CREG1: variants seen among roughly 807,000 people sequenced by gnomAD.
The protein encoded by CREG1 is protein CREG1.
Under a neutral mutation model 19.9 loss-of-function variants are expected in CREG1, and 20 were observed. The ratio of observed to expected loss-of-function variants is 1.01; its 90% confidence interval spans 0.71 to 1.46. The LOEUF (loss-of-function observed/expected upper bound fraction) is 1.46. Ranked by LOEUF, CREG1 falls within the 40% of genes most tolerant of loss-of-function variation. CREG1 has a pLI of 0.00. For synonymous variants in CREG1, 141 were observed against 143.3 expected, an observed-to-expected ratio of 0.98 and a Z score of 0.12; for missense variants, 290 against 314.9, an observed-to-expected ratio of 0.92 and a Z score of 0.60.
intron 1 of CREG1, among the ~76,000 whole-genome samples, chr1:167,549,824 A>G (rs1373849163): frequency 1.3e-5 from 2 of 152,062 alleles, no homozygotes; most frequent in African/African-American, 4.8e-5. Context: ...AGCTGGAACT[A>G]TAGATGTGCA....
chr1:167,546,318 G>A, intron 2 of CREG1, 33 bp from the exon 3 acceptor site: 2 of 1,373,438 alleles, frequency 1.5e-6, no homozygotes, highest in Non-Finnish European at 2.0e-6. Context: ...ACATTCTTAT[G>A]GCAGTAACAC....
In CREG1 at chr1:167,548,088, C is replaced by A. The variant is rs756673611; in HGVS notation, c.388G>T (p.Ala130Ser). 7.4e-6 allele frequency: 12 copies of A among 1,613,066 alleles called. No individual in the cohort carries two copies. In the East Asian group the frequency reaches 2.0e-4, roughly 27 times the overall value. ...NPYATLTMTLAQTNFCKKHGF... is the reference protein window; with the variant it reads ...NPYATLTMTLSQTNFCKKHGF... ...TGTTTCTTGCAGAAGTTGGTCTGTG[C>A]CAAAGTCATGGTCAGTGTAGCATAT... Residue 130 changes from alanine to serine, a missense_variant, in exon 2 of 4, where the codon GCA becomes TCA. Physicochemically the swap from Ala to Ser is moderately conservative, Grantham distance 99 (BLOSUM62 1). Transcript: ENST00000370509.
In CREG1 at chr1:167,546,261, C is replaced by T; in HGVS notation, c.499G>A (p.Ala167Thr). ...TGTCGAATGAATAACGAATGCTTTG[C>T]AATATCCATTTCTGTTTCATTCACC... is the stretch of plus-strand genomic sequence containing the variant. ...TKVNETEMDIAKHSLFIRHPE... is the reference protein window; with the variant it reads ...TKVNETEMDITKHSLFIRHPE... The change falls in exon 3 of 4, where the codon GCA (alanine) becomes ACA (threonine). Residue 167 changes from alanine to threonine, a missense_variant. Coordinates refer to ENST00000370509, the MANE Select transcript of CREG1 (RefSeq NM_003851.3). 6.2e-7 allele frequency: 1 copy of T among 1,605,290 alleles called. No individual in the cohort carries two copies. The highest frequency in any genetic ancestry group is 8.5e-7 in the Non-Finnish European group (1 of 1,176,090).
intron 3 of CREG1, 109 bp downstream of exon 3, chr1:167,545,992 C>T: frequency 1.3e-6 from 1 of 759,044 alleles, no homozygotes; most frequent in Non-Finnish European, 2.0e-6. Context: ...CTTTACCAGA[C>T]TGCCCAGGGT....
intron 3 of CREG1, among the ~76,000 whole-genome samples, chr1:167,545,849 TTAATA>T (rs772376574): frequency 5.2e-4 from 79 of 152,152 alleles, no homozygotes; most frequent in Non-Finnish European, 8.4e-4. Flanking sequence ...GATCTTATAT[TTAATA>T]TATTAATAAA....
intron 3 of CREG1, among the ~76,000 whole-genome samples, chr1:167,544,313 G>A (rs1656281412): frequency 6.6e-6 from 1 of 151,326 alleles, no homozygotes. Flanking sequence ...GCCCTGCTTG[G>A]AATTAAAAAA....
chr1:167,545,511 T>C (rs11584068), intron 3 of CREG1, among the ~76,000 whole-genome samples: 152 of 152,284 alleles, frequency 1.0e-3, no homozygotes, highest in Non-Finnish European at 2.0e-3. Flanking sequence ...TAAAATATTG[T>C]CTTCAATCCT....
At chr1:167,551,714 T>C (rs1656425601) in intron 1 of CREG1, among the ~76,000 whole-genome samples, 1 of 152,206 alleles carries the variant, frequency 6.6e-6, no homozygotes, top group African/African-American at 2.4e-5. Flanking sequence ...TAAAATAAAA[T>C]GTGCTTTCAA....
At chr1:167,542,476 C>T (rs1365078322) in intron 3 of CREG1, among the ~76,000 whole-genome samples, 175 bp from the exon 4 acceptor site, 1 of 152,152 alleles carries the variant, frequency 6.6e-6, no homozygotes, top group Non-Finnish European at 1.5e-5. Context: ...ATGCAGACTC[C>T]TGAGTTTCGG....
chr1:167,553,570 C>A lies in CREG1; in HGVS notation c.172G>T (p.Val58Leu). 2 of 1,447,170 alleles carry A rather than the reference C, an allele frequency of 1.4e-6. No homozygotes were observed. Among genetic ancestry groups the A allele is most frequent in the Non-Finnish European group, 1.8e-6 (2 of 1,105,140 alleles). 89.6% of individuals were successfully genotyped at this position (1,447,170 alleles called of 1,614,324 possible). The change falls in exon 1 of 4, where the codon GTG (valine) becomes TTG (leucine). Residue 58 changes from valine to leucine, a missense_variant. By Grantham distance (32) the Val-to-Leu change is conservative. Coordinates refer to ENST00000370509, the MANE Select transcript of CREG1 (RefSeq NM_003851.3). ...GAGACGTGCGTCACGAAGCGGGCCA[C>A]GCGCGCCGCGTCCTCGCGGGGTGGT... ...PLPPREDAARVARFVTHVSDW... is the reference protein window; with the variant it reads ...PLPPREDAARLARFVTHVSDW...
intron 1 of CREG1, among the ~76,000 whole-genome samples, chr1:167,549,199 C>T (rs753465298): frequency 5.9e-5 from 9 of 152,106 alleles, no homozygotes; most frequent in Admixed American, 3.3e-4. Flanking sequence ...GGCTTTCCTA[C>T]GGGAGGAGCC....
chr1:167,544,820 T>C (rs977076918), intron 3 of CREG1, among the ~76,000 whole-genome samples: 1 of 152,172 alleles, frequency 6.6e-6, no homozygotes, highest in East Asian at 1.9e-4. Flanking sequence ...ACATGAAAAG[T>C]AGCCAGTATA....
At chr1:167,543,164 A>G (rs906064486) in intron 3 of CREG1, among the ~76,000 whole-genome samples, 1 of 151,728 alleles carries the variant, frequency 6.6e-6, no homozygotes, top group Non-Finnish European at 1.5e-5. Flanking sequence ...GGAGAATGGC[A>G]TGAACCCAGG....
At chr1:167,546,566 C>T (rs1046523999) in intron 2 of CREG1, among the ~76,000 whole-genome samples, 8 of 151,836 alleles carry the variant, frequency 5.3e-5, no homozygotes, top group East Asian at 1.9e-4. Context: ...GGCATGAACC[C>T]GGGAGGCGGA....
chr1:167,542,239 G>T lies in CREG1; in HGVS notation c.*59C>A. ...TCCAGAGAAACATTAAGCCTTTTAA[G>T]TGTGTATGAGCCACTTTAAGAAACT... On this transcript the variant is annotated 3_prime_UTR_variant, in exon 4 of 4. Transcript: ENST00000370509. 1.3e-6 allele frequency: 2 copies of T among 1,503,172 alleles called. No homozygotes were observed. Among genetic ancestry groups the T allele is most frequent in the Non-Finnish European group, 9.0e-7 (1 of 1,111,604 alleles). The allele number at this position is 1,503,172 out of a possible 1,614,324, so 93.1% of individuals were successfully genotyped here.
chr1:167,545,393 G>A (rs1656299726), intron 3 of CREG1, among the ~76,000 whole-genome samples: 1 of 152,004 alleles, frequency 6.6e-6, no homozygotes, highest in African/African-American at 2.4e-5. Context: ...CTTCAATAAT[G>A]AATGTAGGGA....
intron 1 of CREG1, among the ~76,000 whole-genome samples, chr1:167,552,239 T>C (rs141985044): frequency 2.2e-4 from 33 of 152,222 alleles, no homozygotes; most frequent in Admixed American, 6.5e-5. Context: ...TAATACCTAC[T>C]TCAAAGAATT....
Position 167,542,013 on chromosome 1 carries a change from T to C in CREG1, c.*285A>G. 3.2e-6 allele frequency: 1 copy of C among 310,758 alleles called. No homozygotes were observed. The highest frequency in any genetic ancestry group is 5.9e-6 in the Non-Finnish European group (1 of 168,658). The allele number at this position is 310,758 out of a possible 1,614,324, so 19.3% of individuals were successfully genotyped here. ...TTCAAGAGCACCACTGGAAACATCT[T>C]TGGAATTGATGGGACAAAACTTATT... On this transcript the variant is annotated 3_prime_UTR_variant, in exon 4 of 4. Coordinates refer to ENST00000370509, the MANE Select transcript of CREG1 (RefSeq NM_003851.3).
In CREG1 at chr1:167,553,463, G is replaced by C. The variant is rs1207809435; in HGVS notation, c.279C>G (p.Asp93Glu). 17 of 1,483,040 alleles carry C rather than the reference G, an allele frequency of 1.1e-5. No homozygotes were observed. Among genetic ancestry groups the C allele is most frequent in the African/African-American group, 1.5e-5 (1 of 68,462 alleles). 91.9% of individuals were successfully genotyped at this position (1,483,040 alleles called of 1,614,324 possible). A position where few individuals can be genotyped will look rare whatever the true frequency, so the allele number is the denominator to read the frequency against. ...CGCCGCTGCCCGCGCCCGGGGGCCC[G>C]TCGCTGAGCGAGAGGACGTCGGCGA... ...RPFADVLSLSDGPPGAGSGVP... is the reference protein window; with the variant it reads ...RPFADVLSLSEGPPGAGSGVP... The change falls in exon 1 of 4, where the codon GAC (aspartate) becomes GAG (glutamate). Residue 93 changes from aspartate (D) to glutamate (E), a missense_variant. Transcript: ENST00000370509.
Sources: gnomAD v4.1 joint callset for allele counts (sites outside exome capture counted in the v4.1 genomes callset) on GRCh38, gnomAD v4.1.1 for gene constraint, MANE v1.5 for transcripts, NCBI Gene and HGNC (gene_info 2026-07-23, HGNC 2026-07-21) for gene names.